The following CNTNAP2 variants were observed in gnomAD, a reference collection of about 807,000 sequenced individuals.
CNTNAP2 encodes the protein contactin-associated protein-like 2.
A neutral mutation model predicts 155.2 loss-of-function variants in CNTNAP2; 98 were observed. The observed-to-expected ratio is 0.63, with a 90% CI of 0.54 to 0.75. The LOEUF is 0.75. Among genes scored for constraint, CNTNAP2 ranks in the 30% least tolerant of loss-of-function variants. The probability of loss-of-function intolerance (pLI) is 0.00; values close to 1 mark genes in which losing one functional copy is unlikely to be tolerated. For missense variants in CNTNAP2, 1,727 were observed against 1,688.1 expected, an observed-to-expected ratio of 1.02 and a Z score of -0.40; for synonymous variants, 651 against 631.2, an observed-to-expected ratio of 1.03 and a Z score of -0.47.
At chr7:146,236,631 GA>G (rs1288920168) in intron 1 of CNTNAP2, among the ~76,000 whole-genome samples, 1 of 152,046 alleles carries the variant, frequency 6.6e-6, no homozygotes. Context: ...TTTTAATATA[GA>G]CTTAATAACA....
At chr7:147,167,661 C>T (rs1250083050) in intron 8 of CNTNAP2, 9 of 398,356 alleles carry the variant, frequency 2.3e-5, no homozygotes, top group Non-Finnish European at 3.5e-5. Context: ...GTATGGGCCA[C>T]CTTATTATTA....
rs149975061 is a variant in CNTNAP2 at position 147,409,622 on chromosome 7, A to G, written c.1670+13842A>G. Among the ~76,000 whole-genome samples, 1,018 of 152,278 alleles carry G rather than the reference A, an allele frequency of 6.7e-3. 11 individuals are homozygous for G. Among genetic ancestry groups the G allele is most frequent in the African/African-American group, 0.023 (956 of 41,564 alleles). On this transcript the variant is annotated intron_variant, in intron 10 of 23. Transcript: ENST00000361727. ...ATCAGAGTGAACAGACAAGCTACAG[A>G]ATGGGAGAAAATTTTTGCAAACTAT...
chr7:146,194,953 C>CCA (rs1352263390), intron 1 of CNTNAP2, among the ~76,000 whole-genome samples: 1 of 152,106 alleles, frequency 6.6e-6, no homozygotes, highest in Non-Finnish European at 1.5e-5. Context: ...AAATTATATT[C>CCA]CACAGATATT....
intron 4 of CNTNAP2, among the ~76,000 whole-genome samples, chr7:147,086,657 C>G (rs1365348384): frequency 6.6e-6 from 1 of 152,028 alleles, no homozygotes; most frequent in Admixed American, 6.6e-5. Flanking sequence ...CAGGCTGGCT[C>G]AAACTCCTGG....
intron 3 of CNTNAP2, among the ~76,000 whole-genome samples, chr7:146,939,374 C>T (rs1796997680): frequency 6.6e-6 from 1 of 152,140 alleles, no homozygotes; most frequent in Non-Finnish European, 1.5e-5. Context: ...GCAAATGTGC[C>T]TACAGTAAAT....
At chr7:146,292,598 G>A (rs919169639) in intron 1 of CNTNAP2, among the ~76,000 whole-genome samples, 1 of 152,148 alleles carries the variant, frequency 6.6e-6, no homozygotes. Flanking sequence ...AAATAGAACT[G>A]CCATATGATT....
chr7:148,099,177 CCA>C (rs1235976441), intron 15 of CNTNAP2, among the ~76,000 whole-genome samples: 1 of 152,080 alleles, frequency 6.6e-6, no homozygotes, highest in Non-Finnish European at 1.5e-5. Flanking sequence ...CTCAGTTTCC[CCA>C]CATGAAAAGT....
chr7:148,151,771 C>G (rs1805299409), intron 17 of CNTNAP2, among the ~76,000 whole-genome samples: 1 of 152,274 alleles, frequency 6.6e-6, no homozygotes, highest in South Asian at 2.1e-4. Context: ...TTCCACTCAC[C>G]AACCCTACAG....
chr7:147,474,783 C>G (rs1798286238), intron 10 of CNTNAP2, among the ~76,000 whole-genome samples: 1 of 152,110 alleles, frequency 6.6e-6, no homozygotes, highest in East Asian at 1.9e-4. Context: ...CTCTAATCTG[C>G]TGATAGGGTA....
intron 2 of CNTNAP2, among the ~76,000 whole-genome samples, chr7:146,816,486 A>G (rs1803172392): frequency 6.6e-6 from 1 of 152,220 alleles, no homozygotes; most frequent in African/African-American, 2.4e-5. Context: ...ACAGTTGGCC[A>G]TCCCACAGTC....
At chr7:146,991,210 A>G (rs955199164) in intron 3 of CNTNAP2, among the ~76,000 whole-genome samples, 2 of 150,992 alleles carry the variant, frequency 1.3e-5, no homozygotes, top group Non-Finnish European at 3.0e-5. Flanking sequence ...TGATTGAAAG[A>G]TTTGAGATAT....
intron 1 of CNTNAP2, among the ~76,000 whole-genome samples, chr7:146,402,692 A>G (rs1296249631): frequency 1.3e-5 from 2 of 151,498 alleles, no homozygotes; most frequent in African/African-American, 4.9e-5. Context: ...GTTTCTATTT[A>G]TTAGCCTATA....
intron 18 of CNTNAP2, among the ~76,000 whole-genome samples, chr7:148,199,351 T>C (rs1451725422): frequency 6.6e-6 from 1 of 152,208 alleles, no homozygotes; most frequent in Non-Finnish European, 1.5e-5. Context: ...AGCAGGCTTA[T>C]ATTGTTTTAT....
At chr7:147,529,698 G>T (rs1285616103) in intron 11 of CNTNAP2, among the ~76,000 whole-genome samples, 1 of 152,172 alleles carries the variant, frequency 6.6e-6, no homozygotes, top group Non-Finnish European at 1.5e-5. Context: ...TTTTTCATGT[G>T]TTAGGACTAC....
intron 1 of CNTNAP2, among the ~76,000 whole-genome samples, chr7:146,308,249 A>G (rs1800752308): frequency 6.6e-6 from 1 of 152,218 alleles, no homozygotes; most frequent in Admixed American, 6.5e-5. Flanking sequence ...ACTGGCCATC[A>G]GAGAAATGCA....
intron 3 of CNTNAP2, among the ~76,000 whole-genome samples, chr7:146,896,595 T>A (rs550543269): frequency 1.3e-5 from 2 of 152,178 alleles, no homozygotes; most frequent in Admixed American, 1.3e-4. Context: ...CCAGGCAATA[T>A]CAAATATTAT....
rs554453673 is a variant in CNTNAP2 at position 146,951,771 on chromosome 7, A to C, written c.403-92136A>C. 4.6e-5 allele frequency among the ~76,000 whole-genome samples: 7 copies of C among 152,256 alleles called. No individual in the cohort carries two copies. The East Asian group carries it at 7.7e-4, about 17-fold the overall frequency. On this transcript the variant is annotated intron_variant, in intron 3 of 23. Transcript: ENST00000361727. ...CTTTTTGCATAGGATTGTCTTGACT[A>C]TACGGGCTCTTTTTTGTTTCCATAT...
chr7:147,398,180 G>T (rs1351369143), intron 10 of CNTNAP2, among the ~76,000 whole-genome samples: 1 of 151,960 alleles, frequency 6.6e-6, no homozygotes, highest in Non-Finnish European at 1.5e-5. Flanking sequence ...AGTACCAGTG[G>T]TTTTAGTCTG....
At chr7:147,717,858 G>C (rs145890212) in intron 13 of CNTNAP2, among the ~76,000 whole-genome samples, 2,501 of 152,056 alleles carry the variant, frequency 0.016, 225 homozygotes, top group Admixed American at 0.15. Context: ...TCCAGCCTGG[G>C]CAACAGAGTG....
Sources: gnomAD v4.1 joint callset for allele counts (sites outside exome capture counted in the v4.1 genomes callset) on GRCh38, gnomAD v4.1.1 for gene constraint, MANE v1.5 for transcripts, NCBI Gene and HGNC (gene_info 2026-07-23, HGNC 2026-07-21) for gene names.